Variants in CCDC60 observed in about 807,000 individuals in gnomAD.
CCDC60 encodes the protein coiled-coil domain-containing protein 60.
In CCDC60, 54 loss-of-function variants were observed where a neutral mutation model predicts 63.5. The observed-to-expected ratio is 0.85, with a 90% CI of 0.68 to 1.07. CCDC60 has a LOEUF of 1.07. Among genes scored for constraint, CCDC60 ranks in the 50% least tolerant of loss-of-function variants. CCDC60 has a pLI of 0.00. For synonymous variants in CCDC60, 206 were observed against 238.8 expected (o/e 0.86, Z 1.27); for missense variants, 651 against 684.3 (o/e 0.95, Z 0.54).
At chr12:119,464,272 A>C (rs1225145211) in intron 2 of CCDC60, among the ~76,000 whole-genome samples, 1 of 128,444 alleles carries the variant, frequency 7.8e-6, no homozygotes, top group Admixed American at 8.4e-5. Flanking sequence ...ATCACGTAAT[A>C]TTTTGCCAGA....
intron 1 of CCDC60, among the ~76,000 whole-genome samples, chr12:119,422,470 C>G (rs537238348): frequency 6.6e-6 from 1 of 152,236 alleles, no homozygotes; most frequent in South Asian, 2.1e-4. Flanking sequence ...CCTGGGGAGG[C>G]CTCAGGGAGC....
intron 3 of CCDC60, among the ~76,000 whole-genome samples, chr12:119,476,266 G>A (rs777682585): frequency 6.6e-6 from 1 of 152,082 alleles, no homozygotes; most frequent in East Asian, 1.9e-4. Flanking sequence ...AAAAAGTGAC[G>A]GGTAAAATTT....
At chr12:119,335,422 A>G (rs1406717345) in intron 1 of CCDC60, among the ~76,000 whole-genome samples, 156 bp downstream of exon 1, 2 of 151,852 alleles carry the variant, frequency 1.3e-5, no homozygotes, top group African/African-American at 4.8e-5. Flanking sequence ...CCAACAGTGT[A>G]AAAGTGTTCC....
In CCDC60 at chr12:119,488,763, C is replaced by T; in HGVS notation, c.454C>T (p.Pro152Ser). Residue 152 changes from proline to serine, a missense_variant, in exon 5 of 14, where the codon CCC becomes TCC. Transcript: ENST00000327554. Reference sequence around the variant, plus strand: ...TCCCTCTCTCTGTCTTTGCAGCGAGCCCCTCTTCCGCCAGCTCTGTGCTCT... The same window carrying T: ...TCCCTCTCTCTGTCTTTGCAGCGAGTCCCTCTTCCGCCAGCTCTGTGCTCT... ...SPSLTEAHVE[P>S]LFRQLCALHW... 1 of 1,613,696 alleles carries T rather than the reference C, an allele frequency of 6.2e-7. No homozygotes were observed. The highest frequency in any genetic ancestry group is 8.5e-7 in the Non-Finnish European group (1 of 1,179,578).
chr12:119,363,097 CAAAAAT>C (rs1215154393), intron 1 of CCDC60, among the ~76,000 whole-genome samples: 2 of 152,038 alleles, frequency 1.3e-5, no homozygotes, highest in Non-Finnish European at 2.9e-5. Context: ...GTCTCCCTCT[CAAAAAT>C]AAAAATAAAA....
intron 1 of CCDC60, among the ~76,000 whole-genome samples, chr12:119,400,572 T>C (rs1378380731): frequency 3.3e-5 from 5 of 152,252 alleles, no homozygotes; most frequent in Non-Finnish European, 5.9e-5. Flanking sequence ...TATTTTGTAG[T>C]TGTCCCTCGC....
intron 2 of CCDC60, among the ~76,000 whole-genome samples, chr12:119,454,518 C>T (rs1010935168): frequency 1.3e-5 from 2 of 152,160 alleles, no homozygotes; most frequent in African/African-American, 4.8e-5. Flanking sequence ...TCTCCCAGGC[C>T]AAATTCTCTT....
chr12:119,357,272 T>A (rs56308939), intron 1 of CCDC60, among the ~76,000 whole-genome samples: 3,083 of 152,306 alleles, frequency 0.02, 39 homozygotes, highest in Non-Finnish European at 0.029. Context: ...CTTCAAGCTA[T>A]TTTTAAATGT....
At chr12:119,383,986 G>A (rs980888825) in intron 1 of CCDC60, among the ~76,000 whole-genome samples, 3 of 152,044 alleles carry the variant, frequency 2.0e-5, no homozygotes, top group Non-Finnish European at 4.4e-5. Flanking sequence ...CACGAGGTCA[G>A]GAGATTGAGA....
chr12:119,376,488 C>G lies in CCDC60; in HGVS notation c.90+41222C>G, dbSNP rs1326263271. ...ACAAAAAATACAAAAATTTGTCAGG[C>G]ATGGTGGCACGCACCTGTAGTCCCA... On this transcript the variant is annotated intron_variant, in intron 1 of 13. Transcript: ENST00000327554. Among the ~76,000 whole-genome samples the G allele has an allele frequency of 3.3e-5, 5 of 152,140 alleles. No homozygotes were observed. The South Asian group carries it at 1.0e-3, about 32-fold the overall frequency.
At chr12:119,345,428 G>A (rs964914052) in intron 1 of CCDC60, among the ~76,000 whole-genome samples, 2 of 152,128 alleles carry the variant, frequency 1.3e-5, no homozygotes, top group African/African-American at 4.8e-5. Context: ...CTTGAACCCG[G>A]GAGGCGGAGG....
At chr12:119,533,829 G>C (rs565800244) in intron 13 of CCDC60, among the ~76,000 whole-genome samples, 42 of 152,276 alleles carry the variant, frequency 2.8e-4, no homozygotes, top group South Asian at 8.3e-4. Context: ...TAGCCTTGTA[G>C]TATAGTTTGA....
At chr12:119,470,682 G>A (rs1322375119) in intron 2 of CCDC60, among the ~76,000 whole-genome samples, 1 of 152,124 alleles carries the variant, frequency 6.6e-6, no homozygotes, top group Non-Finnish European at 1.5e-5. Flanking sequence ...TGAGAGGAGA[G>A]GAAGAGGCCA....
intron 1 of CCDC60, among the ~76,000 whole-genome samples, chr12:119,405,953 C>T (rs1956480688): frequency 6.6e-6 from 1 of 152,132 alleles, no homozygotes; most frequent in Non-Finnish European, 1.5e-5. Flanking sequence ...AGGCGGATCC[C>T]CAGAGATCAG....
chr12:119,401,535 G>T (rs1297417153), intron 1 of CCDC60, among the ~76,000 whole-genome samples: 2 of 152,230 alleles, frequency 1.3e-5, no homozygotes, highest in African/African-American at 4.8e-5. Context: ...CTACGTTCAA[G>T]ACAAGGGCAT....
intron 7 of CCDC60, among the ~76,000 whole-genome samples, chr12:119,507,542 A>G (rs1482147711): frequency 3.3e-5 from 2 of 60,578 alleles, no homozygotes; most frequent in African/African-American, 8.9e-5. Context: ...ATATATACAC[A>G]TATATATACA....
chr12:119,489,901 G>A (rs909986961), intron 5 of CCDC60, among the ~76,000 whole-genome samples: 7 of 151,716 alleles, frequency 4.6e-5, no homozygotes, highest in Non-Finnish European at 5.9e-5. Flanking sequence ...GGGTTCAAGC[G>A]ATTCTCCTGC....
intron 7 of CCDC60, among the ~76,000 whole-genome samples, chr12:119,508,957 T>C (rs1000651374): frequency 6.6e-6 from 1 of 152,018 alleles, no homozygotes; most frequent in Non-Finnish European, 1.5e-5. Flanking sequence ...AACTGAACAC[T>C]GGCGCTGGTG....
chr12:119,383,740 T>A (rs936351874), intron 1 of CCDC60, among the ~76,000 whole-genome samples: 2 of 152,208 alleles, frequency 1.3e-5, no homozygotes, highest in African/African-American at 4.8e-5. Context: ...ATGAACCTGT[T>A]TCTTTCTGCC....
Sources: gnomAD v4.1 joint callset for allele counts (sites outside exome capture counted in the v4.1 genomes callset) on GRCh38, gnomAD v4.1.1 for gene constraint, MANE v1.5 for transcripts, NCBI Gene and HGNC (gene_info 2026-07-23, HGNC 2026-07-21) for gene names.